Variants in LGSN observed in about 807,000 individuals in gnomAD.
The protein encoded by LGSN is lengsin.
LGSN carries 21 observed loss-of-function variants against 19.5 expected under a neutral mutation model. The ratio of observed to expected loss-of-function variants is 1.07; its 90% CI spans 0.76 to 1.55. LGSN has a LOEUF of 1.55. Ranked by LOEUF, LGSN falls within the 40% of genes most tolerant of loss-of-function variation. The pLI, the probability that LGSN is intolerant of heterozygous loss-of-function variation, is 0.00. For missense variants in LGSN, 673 were observed against 608.5 expected (o/e 1.11, Z -1.12); for synonymous variants, 257 against 215.6 (o/e 1.19, Z -1.68).
At chr6:63,306,225 C>T (rs1041027376) in intron 1 of LGSN, among the ~76,000 whole-genome samples, 2 of 151,994 alleles carry the variant, frequency 1.3e-5, no homozygotes, top group Admixed American at 1.3e-4. Flanking sequence ...AGAAATAACC[C>T]ACAGGGGTTA....
chr6:63,397,965 A>C, the LGSN span, among the ~76,000 whole-genome samples: 1 of 151,964 alleles, frequency 6.6e-6, no homozygotes, highest in East Asian at 1.9e-4. Context: ...AAAAGATTAT[A>C]ATGAAGCTGA....
At chr6:63,502,964 G>A in the LGSN span, among the ~76,000 whole-genome samples, 15 of 152,052 alleles carry the variant, frequency 9.9e-5, no homozygotes, top group South Asian at 4.2e-4. Flanking sequence ...TTAATCAATC[G>A]ATGTCAGATA....
the LGSN span, among the ~76,000 whole-genome samples, chr6:63,333,637 A>T: frequency 1.4e-5 from 2 of 139,166 alleles, no homozygotes; most frequent in Non-Finnish European, 3.0e-5. Flanking sequence ...AAAAAAGAAA[A>T]GAAAAAGGAA....
At chr6:63,529,521 C>G in the LGSN span, among the ~76,000 whole-genome samples, 1 of 152,136 alleles carries the variant, frequency 6.6e-6, no homozygotes, top group Non-Finnish European at 1.5e-5. Flanking sequence ...AACAACCTAG[C>G]CTTCCTTTTC....
chr6:63,516,726 G>A, the LGSN span, among the ~76,000 whole-genome samples: 2 of 152,154 alleles, frequency 1.3e-5, no homozygotes, highest in Non-Finnish European at 2.9e-5. Context: ...TCTGAGTTTT[G>A]GGATATATGT....
the LGSN span, among the ~76,000 whole-genome samples, chr6:63,546,912 A>G: frequency 6.6e-6 from 1 of 152,184 alleles, no homozygotes; most frequent in Non-Finnish European, 1.5e-5. Flanking sequence ...TGTGTAGTGT[A>G]TATATATAAA....
At chr6:63,293,609 G>A (rs1767856211) in intron 2 of LGSN, 1 of 389,140 alleles carries the variant, frequency 2.6e-6, no homozygotes, top group South Asian at 1.9e-5. Flanking sequence ...ACAGACTTAG[G>A]GTTAGTGGCT....
the LGSN span, among the ~76,000 whole-genome samples, chr6:63,409,382 TA>T: frequency 1.2e-3 from 185 of 152,358 alleles, 2 homozygotes; most frequent in Non-Finnish European, 2.2e-3. Context: ...TACATATATC[TA>T]AACTTCTTGA....
At chr6:63,458,750 G>A in the LGSN span, among the ~76,000 whole-genome samples, 17 of 152,170 alleles carry the variant, frequency 1.1e-4, no homozygotes, top group African/African-American at 3.9e-4. Context: ...CTAACCAGGT[G>A]TATGTTTTTC....
chr6:63,410,673 A>C, the LGSN span, among the ~76,000 whole-genome samples: 1 of 152,196 alleles, frequency 6.6e-6, no homozygotes, highest in Admixed American at 6.5e-5. Flanking sequence ...ATAAAGTGCA[A>C]TGAACGCAGT....
chr6:63,280,470 G>A lies in LGSN; in HGVS notation c.1081C>T (p.Pro361Ser). The change falls in exon 4 of 4, where the codon CCT becomes TCT. Residue 361 changes from proline to serine, a missense_variant. By Grantham distance (74) the Pro-to-Ser change is moderately conservative. Transcript: ENST00000370657. ...TAACGCTTTCGGCAGCTAACAGAAGGCGCCATCAGGCAGCTGAGCGCAGCA... is the reference window on the plus strand; with the variant it reads ...TAACGCTTTCGGCAGCTAACAGAAGACGCCATCAGGCAGCTGAGCGCAGCA... ...HSAALSCLMA[P>S]SVSCRKRYSK... 6.2e-7 allele frequency: 1 copy of A among 1,614,102 alleles called. No homozygotes were observed. The highest frequency in any genetic ancestry group is 1.1e-5 in the South Asian group (1 of 91,090).
At chr6:63,504,728 G>A in the LGSN span, among the ~76,000 whole-genome samples, 1 of 152,198 alleles carries the variant, frequency 6.6e-6, no homozygotes, top group Non-Finnish European at 1.5e-5. Context: ...ACAGGTGTGA[G>A]CCACCACACT....
the LGSN span, among the ~76,000 whole-genome samples, chr6:63,400,690 T>C: frequency 6.6e-6 from 1 of 152,196 alleles, no homozygotes; most frequent in East Asian, 1.9e-4. Context: ...ATAAATATTA[T>C]GTACAATAAA....
the LGSN span, among the ~76,000 whole-genome samples, chr6:63,328,588 T>A: frequency 6.6e-6 from 1 of 152,230 alleles, no homozygotes; most frequent in African/African-American, 2.4e-5. Context: ...GAGGCCAGCC[T>A]TTTGCTACTA....
the LGSN span, among the ~76,000 whole-genome samples, chr6:63,339,613 GT>G: frequency 1.3e-5 from 2 of 151,992 alleles, no homozygotes; most frequent in Admixed American, 1.3e-4. Flanking sequence ...TTCAGTCTTG[GT>G]TTTTTTCCAT....
chr6:63,474,608 C>CAA, the LGSN span, among the ~76,000 whole-genome samples: 2 of 118,372 alleles, frequency 1.7e-5, no homozygotes, highest in African/African-American at 7.1e-5. Flanking sequence ...GACTCCATCT[C>CAA]AAAAAAAAAA....
At chr6:63,481,223 G>A in the LGSN span, among the ~76,000 whole-genome samples, 4 of 151,966 alleles carry the variant, frequency 2.6e-5, no homozygotes, top group African/African-American at 7.3e-5. Flanking sequence ...CAGAAGGGGC[G>A]GTGCTAGGAA....
At chr6:63,359,736 T>A in the LGSN span, among the ~76,000 whole-genome samples, 1 of 152,206 alleles carries the variant, frequency 6.6e-6, no homozygotes, top group Admixed American at 6.5e-5. Flanking sequence ...TCTTCTTTAT[T>A]AGTCTTGCTG....
the LGSN span, among the ~76,000 whole-genome samples, chr6:63,472,018 C>A: frequency 2.0e-5 from 3 of 152,244 alleles, no homozygotes; most frequent in South Asian, 4.1e-4. Context: ...TTCTTTTTTT[C>A]TCTCTAATCC....
Sources: gnomAD v4.1 joint callset for allele counts (sites outside exome capture counted in the v4.1 genomes callset) on GRCh38, gnomAD v4.1.1 for gene constraint, MANE v1.5 for transcripts, NCBI Gene and HGNC (gene_info 2026-07-23, HGNC 2026-07-21) for gene names.